Variants in GMDS observed in about 807,000 individuals in gnomAD.
GMDS encodes GDP-mannose 4,6-dehydratase.
GMDS carries 20 observed loss-of-function variants against 49.9 expected under a neutral mutation model. The ratio of observed to expected loss-of-function variants is 0.40; its 90% confidence interval spans 0.28 to 0.58. The LOEUF (loss-of-function observed/expected upper bound fraction) is 0.58. GMDS is among the 20% of genes least tolerant of loss of function. GMDS has a pLI of 0.42. For missense variants in GMDS, 362 were observed against 481.4 expected (o/e 0.75, Z 2.32); for synonymous variants, 177 against 178.6 (o/e 0.99, Z 0.07).
At chr6:1,684,349 C>T (rs960796623) in intron 9 of GMDS, among the ~76,000 whole-genome samples, 6 of 152,250 alleles carry the variant, frequency 3.9e-5, no homozygotes, top group Admixed American at 1.3e-4. Flanking sequence ...CTCACTCAAA[C>T]GTATGTAACC....
At chr6:1,680,371 A>T (rs1385325262) in intron 9 of GMDS, among the ~76,000 whole-genome samples, 3 of 152,196 alleles carry the variant, frequency 2.0e-5, no homozygotes, top group Non-Finnish European at 2.9e-5. Flanking sequence ...GCAGTAAATA[A>T]ACAGGGCCTG....
chr6:1,843,522 C>T (rs2113751279), intron 7 of GMDS, among the ~76,000 whole-genome samples: 1 of 152,338 alleles, frequency 6.6e-6, no homozygotes, highest in South Asian at 2.1e-4. Flanking sequence ...AATCCCAGCA[C>T]TTTGGGAGGC....
intron 7 of GMDS, among the ~76,000 whole-genome samples, chr6:1,800,399 C>A (rs890598817): frequency 2.6e-5 from 4 of 152,024 alleles, no homozygotes; most frequent in Non-Finnish European, 5.9e-5. Flanking sequence ...TATAAAAGGC[C>A]AGCAGAATGT....
chr6:2,017,931 T>A (rs1488686098), intron 4 of GMDS, among the ~76,000 whole-genome samples: 1 of 152,180 alleles, frequency 6.6e-6, no homozygotes, highest in Non-Finnish European at 1.5e-5. Context: ...GAAAGCTGCA[T>A]ACGCTGCAGG....
At chr6:1,940,175 GTGCA>G (rs35317970) in intron 6 of GMDS, among the ~76,000 whole-genome samples, 2 of 151,714 alleles carry the variant, frequency 1.3e-5, no homozygotes, top group South Asian at 2.1e-4. Context: ...GATTGTATAT[GTGCA>G]TGCATGCATG....
rs1763847397 is a variant in GMDS at position 1,959,929 on chromosome 6, C to T, written c.581G>A (p.Arg194His). 2.5e-6 allele frequency: 4 copies of T among 1,610,756 alleles called. No individual in the cohort carries two copies. Among genetic ancestry groups the T allele is most frequent in the Non-Finnish European group, 3.4e-6 (4 of 1,178,700 alleles). ...CACTGCAAAGAGATTATACGCCTCA[C>T]GGAAGTTCACCACAATCCAATAGGC... The part of the protein sequence containing the change: ...LYAYWIVVNF[R>H]EAYNLFAVNG... Residue 194 changes from arginine to histidine, a missense_variant, in exon 6 of 11, where the codon CGT becomes CAT. Transcript: ENST00000380815.
At chr6:1,736,064 A>G (rs1766991840) in intron 8 of GMDS, among the ~76,000 whole-genome samples, 1 of 152,192 alleles carries the variant, frequency 6.6e-6, no homozygotes, top group Non-Finnish European at 1.5e-5. Flanking sequence ...GTTAAGAAGG[A>G]AAATGGGCCC....
At chr6:1,974,150 A>T (rs911441801) in intron 4 of GMDS, among the ~76,000 whole-genome samples, 8 of 132,472 alleles carry the variant, frequency 6.0e-5, no homozygotes, top group African/African-American at 1.4e-4. Flanking sequence ...AAGGAATATT[A>T]AAAAAAAAAA....
Position 1,652,715 on chromosome 6 carries a change from T to TAGAG in GMDS, c.988-28176_988-28175insCTCT, listed in dbSNP as rs1282736129. On this transcript the variant is annotated intron_variant, in intron 9 of 10. Transcript: ENST00000380815. Reference sequence around the variant, plus strand: ...ATAATATATTATATATATATATATATATATAGAGAGAGAGAGAGAGAGAGA... The same window carrying TAGAG: ...ATAATATATTATATATATATATATATAGAGATATAGAGAGAGAGAGAGAGAGAGA... 2.4e-4 allele frequency among the ~76,000 whole-genome samples: 4 copies of TAGAG among 16,672 alleles called. 2 individuals carry two copies. The highest frequency in any genetic ancestry group is 8.7e-4 in the African/African-American group (4 of 4,588). 10.9% of individuals were successfully genotyped at this position (16,672 alleles called of 152,430 possible). A position where few individuals can be genotyped will look rare whatever the true frequency, so the allele number is the denominator to read the frequency against.
chr6:1,646,196 G>T (rs995178556), intron 9 of GMDS, among the ~76,000 whole-genome samples: 13 of 152,112 alleles, frequency 8.5e-5, no homozygotes, highest in African/African-American at 3.1e-4. Flanking sequence ...CAGTACCTCT[G>T]GCACCCAGGC....
intron 4 of GMDS, among the ~76,000 whole-genome samples, chr6:2,019,214 A>T (rs1336978146): frequency 6.6e-6 from 1 of 151,544 alleles, no homozygotes; most frequent in Non-Finnish European, 1.5e-5. Context: ...CCTTAGGATC[A>T]TCTATATACA....
chr6:1,625,960 G>A (rs1762839227), intron 9 of GMDS, among the ~76,000 whole-genome samples: 1 of 152,226 alleles, frequency 6.6e-6, no homozygotes, highest in Non-Finnish European at 1.5e-5. Flanking sequence ...GAGTTTCATC[G>A]TGTGAAAGTA....
chr6:1,797,989 T>C (rs1295671797), intron 7 of GMDS, among the ~76,000 whole-genome samples: 3 of 152,224 alleles, frequency 2.0e-5, no homozygotes, highest in Non-Finnish European at 4.4e-5. Context: ...GCTAGGAATG[T>C]CACATAGTTA....
intron 4 of GMDS, among the ~76,000 whole-genome samples, chr6:2,020,727 T>C (rs529953000): frequency 4.7e-4 from 71 of 152,248 alleles, no homozygotes; most frequent in Non-Finnish European, 8.8e-4. Context: ...AAGACAGTGA[T>C]TCTGTTAATA....
intron 7 of GMDS, among the ~76,000 whole-genome samples, chr6:1,867,759 A>C (rs1758511560): frequency 6.6e-6 from 1 of 152,232 alleles, no homozygotes; most frequent in Non-Finnish European, 1.5e-5. Flanking sequence ...CAGTAAATCA[A>C]AAGAAAAGTC....
At chr6:1,808,657 A>AATT (rs202016004) in intron 7 of GMDS, among the ~76,000 whole-genome samples, 614 of 152,342 alleles carry the variant, frequency 4.0e-3, no homozygotes, top group African/African-American at 0.013. Context: ...AAAGGAGATA[A>AATT]ATTTCAAGTT....
chr6:1,931,704 C>T lies in GMDS; in HGVS notation c.644-1474G>A, dbSNP rs1762294881. Among the ~76,000 whole-genome samples, 3 of 152,240 alleles carry T rather than the reference C, an allele frequency of 2.0e-5. No individual in the cohort carries two copies. The South Asian group carries it at 6.2e-4, about 32-fold the overall frequency. On this transcript the variant is annotated intron_variant, in intron 6 of 10. Transcript: ENST00000380815. ...TCATTATTTCAATGTCAGGACTATA[C>T]TATTTTCTCAAAGTATACTAAGAAA...
At chr6:1,755,872 A>G (rs1234774026) in intron 7 of GMDS, among the ~76,000 whole-genome samples, 2 of 152,230 alleles carry the variant, frequency 1.3e-5, no homozygotes, top group Non-Finnish European at 2.9e-5. Context: ...TGACTAAAAC[A>G]CCAAAAGCAA....
At chr6:1,975,946 T>C (rs1290371945) in intron 4 of GMDS, among the ~76,000 whole-genome samples, 1 of 152,116 alleles carries the variant, frequency 6.6e-6, no homozygotes, top group African/African-American at 2.4e-5. Context: ...GGCTGTGAAG[T>C]CCTGGTAACC....
Sources: allele counts gnomAD v4.1 joint callset (sites outside exome capture counted in the v4.1 genomes callset), GRCh38; gene constraint gnomAD v4.1.1; transcripts MANE v1.5; gene names NCBI Gene and HGNC (gene_info 2026-07-23, HGNC 2026-07-21).